The following DCC variants were observed in gnomAD, a reference collection of about 807,000 sequenced individuals.
DCC encodes netrin receptor DCC.
In DCC, 58 loss-of-function variants were observed where a neutral mutation model predicts 172.5. The ratio of observed to expected loss-of-function variants is 0.34; its 90% CI spans 0.27 to 0.42. DCC has a LOEUF of 0.42. DCC is among the 10% of genes least tolerant of loss of function. DCC has a pLI of 1.00. For missense variants in DCC, 1,740 were observed against 1,791.0 expected (o/e 0.97, Z 0.51); for synonymous variants, 709 against 644.5 (o/e 1.10, Z -1.52).
intron 12 of DCC, among the ~76,000 whole-genome samples, chr18:53,276,268 C>T (rs2056805789): frequency 6.6e-6 from 1 of 152,152 alleles, no homozygotes; most frequent in Non-Finnish European, 1.5e-5. Context: ...TAACAAAATA[C>T]ATTCCCTAGA....
At chr18:53,483,070 T>A (rs1192956692) in intron 25 of DCC, among the ~76,000 whole-genome samples, 1 of 151,900 alleles carries the variant, frequency 6.6e-6, no homozygotes, top group Non-Finnish European at 1.5e-5. Flanking sequence ...ATATGAAGTA[T>A]CTCTAGCACT....
chr18:52,340,911 C>G, intron 1 of DCC, 33 bp downstream of exon 1: 1 of 1,482,120 alleles, frequency 6.7e-7, no homozygotes, highest in Non-Finnish European at 9.4e-7. Flanking sequence ...CTCGTCGCAC[C>G]CCCTTCCGTA....
chr18:52,567,855 A>G (rs2033196871), intron 1 of DCC, among the ~76,000 whole-genome samples: 1 of 152,140 alleles, frequency 6.6e-6, no homozygotes, highest in Non-Finnish European at 1.5e-5. Flanking sequence ...TTCCTTTATC[A>G]GGATGGAGCA....
intron 27 of DCC, among the ~76,000 whole-genome samples, chr18:53,521,468 C>A (rs562286028): frequency 3.2e-4 from 49 of 152,220 alleles, no homozygotes; most frequent in African/African-American, 1.1e-3. Context: ...TAACCGTAGG[C>A]TATGCCTAGG....
intron 14 of DCC, among the ~76,000 whole-genome samples, chr18:53,335,739 G>C (rs757487635): frequency 5.3e-4 from 81 of 152,066 alleles, no homozygotes; most frequent in Non-Finnish European, 9.3e-4. Context: ...TCATGCTGCT[G>C]ATAAAGACAT....
intron 5 of DCC, among the ~76,000 whole-genome samples, chr18:53,049,592 T>C (rs2042306763): frequency 6.6e-6 from 1 of 152,118 alleles, no homozygotes; most frequent in Non-Finnish European, 1.5e-5. Flanking sequence ...TGTAGCCTTG[T>C]AGTATAGTTA....
chr18:53,325,473 T>A (rs2057457222), intron 14 of DCC, among the ~76,000 whole-genome samples: 1 of 152,196 alleles, frequency 6.6e-6, no homozygotes, highest in South Asian at 2.1e-4. Flanking sequence ...TGTGCTCTTT[T>A]TCCTGACTCT....
chr18:52,645,530 A>G (rs1310391943), intron 1 of DCC, among the ~76,000 whole-genome samples: 1 of 152,202 alleles, frequency 6.6e-6, no homozygotes, highest in African/African-American at 2.4e-5. Flanking sequence ...CAAACAAAAG[A>G]AATAGAAAGT....
intron 2 of DCC, among the ~76,000 whole-genome samples, chr18:52,830,073 G>T (rs2038586143): frequency 6.6e-6 from 1 of 152,088 alleles, no homozygotes; most frequent in Non-Finnish European, 1.5e-5. Flanking sequence ...GAGCCTGCCA[G>T]CTGTGTCTGA....
Position 52,987,670 on chromosome 18 carries a change from C to T in DCC, c.985+62300C>T, listed in dbSNP as rs150445374. ...GGTTGAGTTGCAACAGAGCCCACCACTGTAGTTATTCACTTCATCTGTGTA... is the reference window on the plus strand; with the variant it reads ...GGTTGAGTTGCAACAGAGCCCACCATTGTAGTTATTCACTTCATCTGTGTA... On this transcript the variant is annotated intron_variant, in intron 5 of 28. Transcript: ENST00000442544. Among the ~76,000 whole-genome samples, 391 of 152,288 alleles carry T rather than the reference C, an allele frequency of 2.6e-3. 4 individuals are homozygous for T. The highest frequency in any genetic ancestry group is 0.017 in the East Asian group (87 of 5,176).
chr18:52,340,922 C>A (rs759799748), intron 1 of DCC, 44 bp downstream of exon 1: 1 of 1,391,878 alleles, frequency 7.2e-7, no homozygotes, highest in Non-Finnish European at 1.0e-6. Context: ...CCCTTCCGTA[C>A]CCCACTTCCC....
At chr18:52,948,712 A>G (rs183234491) in intron 5 of DCC, among the ~76,000 whole-genome samples, 1 of 152,316 alleles carries the variant, frequency 6.6e-6, no homozygotes, top group Non-Finnish European at 1.5e-5. Flanking sequence ...GCTGCTGTGT[A>G]GTTTCCCTTC....
intron 7 of DCC, among the ~76,000 whole-genome samples, chr18:53,150,055 A>G (rs1598850946): frequency 1.3e-5 from 2 of 152,200 alleles, no homozygotes; most frequent in South Asian, 2.1e-4. Context: ...GTTTGGCACA[A>G]TGTAGAAAGC....
intron 5 of DCC, among the ~76,000 whole-genome samples, chr18:52,935,867 A>G (rs2040373904): frequency 6.6e-6 from 1 of 152,162 alleles, no homozygotes; most frequent in Non-Finnish European, 1.5e-5. Context: ...TGAATTTACA[A>G]CATCATTGCC....
chr18:53,517,443 T>TATGATA (rs1555682019), intron 27 of DCC, among the ~76,000 whole-genome samples: 1 of 142,506 alleles, frequency 7.0e-6, no homozygotes, highest in East Asian at 2.0e-4. Flanking sequence ...AAACTTAAAA[T>TATGATA]ATAATAATAA....
At chr18:52,691,044 AG>A (rs2035922511) in intron 1 of DCC, among the ~76,000 whole-genome samples, 1 of 152,170 alleles carries the variant, frequency 6.6e-6, no homozygotes, top group Non-Finnish European at 1.5e-5. Context: ...ATTTGCAATG[AG>A]AAATGTCACT....
intron 18 of DCC, 52 bp downstream of exon 18, chr18:53,397,498 T>A (rs1482262610): frequency 1.9e-6 from 3 of 1,602,154 alleles, no homozygotes; most frequent in Non-Finnish European, 2.6e-6. Flanking sequence ...TTTCCCAGGT[T>A]CTGTGGAAAT....
chr18:53,420,079 C>T (rs1215359315), intron 21 of DCC, among the ~76,000 whole-genome samples: 1 of 152,002 alleles, frequency 6.6e-6, no homozygotes, highest in African/African-American at 2.4e-5. Flanking sequence ...TGGTCTCAAT[C>T]CTCCTGACCT....
chr18:53,480,441 A>C (rs1293479482), intron 25 of DCC, among the ~76,000 whole-genome samples: 1 of 152,210 alleles, frequency 6.6e-6, no homozygotes, highest in Non-Finnish European at 1.5e-5. Flanking sequence ...CATGTCAAAA[A>C]TCTTTCAGGG....
Sources: allele counts gnomAD v4.1 joint callset (sites outside exome capture counted in the v4.1 genomes callset), GRCh38; gene constraint gnomAD v4.1.1; transcripts MANE v1.5; gene names NCBI Gene and HGNC (gene_info 2026-07-23, HGNC 2026-07-21).